Variants in P3H2 observed in about 807,000 individuals in gnomAD.
P3H2 encodes the protein prolyl 3-hydroxylase 2.
A neutral mutation model predicts 87.0 loss-of-function variants in P3H2; 80 were observed. That is an observed-to-expected ratio of 0.92 (90% CI 0.77 to 1.11). The LOEUF (loss-of-function observed/expected upper bound fraction) is 1.11, where lower values mean the gene tolerates loss of function less well. Ranked by LOEUF, P3H2 falls within the 50% of genes least tolerant of loss-of-function variation. P3H2 has a pLI of 0.00. For synonymous variants in P3H2, 367 were observed against 359.3 expected, an observed-to-expected ratio of 1.02 and a Z score of -0.24; for missense variants, 1,001 against 923.9, an observed-to-expected ratio of 1.08 and a Z score of -1.08.
intron 1 of P3H2, among the ~76,000 whole-genome samples, chr3:190,045,507 A>G (rs1725771233): frequency 6.6e-6 from 1 of 152,128 alleles, no homozygotes; most frequent in African/African-American, 2.4e-5. Context: ...AGTTCTAAGT[A>G]TGACAGAAAG....
chr3:190,108,091 G>A (rs983600695), intron 1 of P3H2, among the ~76,000 whole-genome samples: 3 of 152,078 alleles, frequency 2.0e-5, no homozygotes, highest in Admixed American at 6.5e-5. Flanking sequence ...ACAGGCATGA[G>A]GCATTGTGCC....
At chr3:189,995,958 A>G (rs1724040272) in intron 1 of P3H2, among the ~76,000 whole-genome samples, 3 of 152,214 alleles carry the variant, frequency 2.0e-5, no homozygotes, top group Admixed American at 6.5e-5. Context: ...ATAAAAGATA[A>G]CAAGTGTTGA....
chr3:189,977,529 T>C (rs1166691801), intron 8 of P3H2, among the ~76,000 whole-genome samples: 1 of 152,194 alleles, frequency 6.6e-6, no homozygotes, highest in East Asian at 1.9e-4. Flanking sequence ...CCACAGAAAC[T>C]ATGAGATAAT....
intron 1 of P3H2, among the ~76,000 whole-genome samples, chr3:190,071,039 T>G (rs1726682145): frequency 1.3e-5 from 2 of 152,206 alleles, no homozygotes; most frequent in Non-Finnish European, 2.9e-5. Context: ...TAAAACACTT[T>G]CCACTAGCTT....
Position 190,020,151 on chromosome 3 carries a change from T to C in P3H2, c.481-24709A>G, listed in dbSNP as rs1420565132. Reference sequence around the variant, plus strand: ...TCCATTATCTGTGGTGGCTGCCACCTTCAGAAAGGCTAAGGCGTTCAACAC... The same window carrying C: ...TCCATTATCTGTGGTGGCTGCCACCCTCAGAAAGGCTAAGGCGTTCAACAC... On this transcript the variant is annotated intron_variant, in intron 1 of 14. Coordinates refer to ENST00000319332, the MANE Select transcript of P3H2 (RefSeq NM_018192.4). Among the ~76,000 whole-genome samples, 2 of 132,754 alleles carry C rather than the reference T, an allele frequency of 1.5e-5. 1 individual carries two copies. Among genetic ancestry groups the C allele is most frequent in the Admixed American group, 1.6e-4 (2 of 12,862 alleles). 87.1% of individuals were successfully genotyped at this position (132,754 alleles called of 152,430 possible).
At chr3:190,061,721 T>G (rs1304359863) in intron 1 of P3H2, among the ~76,000 whole-genome samples, 4 of 152,140 alleles carry the variant, frequency 2.6e-5, no homozygotes, top group Non-Finnish European at 5.9e-5. Context: ...CCAGATACCA[T>G]GTACTGTCCT....
intron 3 of P3H2, among the ~76,000 whole-genome samples, chr3:189,991,647 G>A (rs1316565908): frequency 6.6e-6 from 1 of 152,242 alleles, no homozygotes; most frequent in African/African-American, 2.4e-5. Flanking sequence ...TTGAAGATCT[G>A]TAAGTGGAAA....
At chr3:190,098,000 C>T (rs1213992663) in intron 1 of P3H2, among the ~76,000 whole-genome samples, 1 of 152,044 alleles carries the variant, frequency 6.6e-6, no homozygotes, top group Non-Finnish European at 1.5e-5. Flanking sequence ...TGGATATTGT[C>T]ATTGTTAAAG....
chr3:189,973,756 C>G (rs538672046), intron 10 of P3H2, among the ~76,000 whole-genome samples, 153 bp downstream of exon 10: 4 of 151,980 alleles, frequency 2.6e-5, no homozygotes, highest in African/African-American at 9.7e-5. Flanking sequence ...GATCTCCTGA[C>G]CTCGTGATCT....
At chr3:190,120,952 C>T (rs1275181300), upstream of P3H2, 6 of 605,272 alleles carry the variant, frequency 9.9e-6, no homozygotes, top group Admixed American at 2.1e-4. Flanking sequence ...TCACACGCTC[C>T]TCCTGCTGCC....
chr3:189,982,134 CTA>C (rs1389773380), intron 8 of P3H2, among the ~76,000 whole-genome samples: 5 of 152,286 alleles, frequency 3.3e-5, no homozygotes, highest in African/African-American at 9.6e-5. Flanking sequence ...CTACACAATT[CTA>C]TGTTTCATGC....
At chr3:189,958,613 T>C (rs912659288) in intron 14 of P3H2, among the ~76,000 whole-genome samples, 67 of 151,840 alleles carry the variant, frequency 4.4e-4, no homozygotes, top group Non-Finnish European at 1.5e-5. Flanking sequence ...CCCCGTCCTC[T>C]CTACCTACCA....
At position 190,066,465 on chromosome 3, in the gene P3H2, A is replaced by G. The variant is rs553874894; in HGVS notation, c.480+53787T>C. 4.6e-5 allele frequency among the ~76,000 whole-genome samples: 7 copies of G among 152,138 alleles called. No homozygotes were observed. In the South Asian group the frequency reaches 1.5e-3, roughly 32 times the overall value. On this transcript the variant is annotated intron_variant, in intron 1 of 14. Coordinates refer to ENST00000319332, the MANE Select transcript of P3H2 (RefSeq NM_018192.4). ...GATGCAAAGGCATAAGGATGACACA[A>G]TAAACTTCAGGGACTCAGGGGGTAA...
chr3:190,002,604 T>C (rs1724251822), intron 1 of P3H2, among the ~76,000 whole-genome samples: 1 of 152,160 alleles, frequency 6.6e-6, no homozygotes, highest in African/African-American at 2.4e-5. Flanking sequence ...TTTCACCGTG[T>C]TGGCCAAGCC....
intron 3 of P3H2, among the ~76,000 whole-genome samples, chr3:189,990,552 A>G (rs998089302): frequency 3.9e-5 from 6 of 152,296 alleles, no homozygotes; most frequent in Middle Eastern, 3.4e-3. Context: ...ACAGAAAGGT[A>G]TCCTTTAGGG....
At chr3:189,967,489 C>T (rs1723038182) in intron 13 of P3H2, among the ~76,000 whole-genome samples, 1 of 148,316 alleles carries the variant, frequency 6.7e-6, no homozygotes. Flanking sequence ...ATCTTTTCAA[C>T]CACCTGTCTG....
rs1374222421 is a variant in P3H2, at chr3:189,995,380, G to A, written c.543C>T (p.His181=). ...TCTCAATGTTCTGCTGCATTTCCAT[G>A]TGCTCAGGGTTAGCCACGAAAAATG... ...AHTFFVANPE[H]MEMQQNIENY... is the part of the protein sequence containing the mutation. Residue 181 remains histidine, a synonymous_variant, in exon 2 of 15, where the codon CAC becomes CAT. Transcript: ENST00000319332. 5 of 1,613,970 alleles carry A rather than the reference G, an allele frequency of 3.1e-6. No individual in the cohort carries two copies. Among genetic ancestry groups the A allele is most frequent in the Admixed American group, 3.3e-5 (2 of 60,012 alleles).
At chr3:190,070,052 G>C (rs1454405624) in intron 1 of P3H2, among the ~76,000 whole-genome samples, 2 of 151,964 alleles carry the variant, frequency 1.3e-5, no homozygotes, top group African/African-American at 4.8e-5. Flanking sequence ...AGGCTGTGCT[G>C]ATGGCAATCA....
intron 4 of P3H2, among the ~76,000 whole-genome samples, chr3:189,988,250 G>A (rs376794342): frequency 6.6e-6 from 1 of 152,132 alleles, no homozygotes; most frequent in Non-Finnish European, 1.5e-5. Flanking sequence ...TAACAAGGAT[G>A]TTTCCAATAT....
Sources: gnomAD v4.1 joint callset for allele counts (sites outside exome capture counted in the v4.1 genomes callset) on GRCh38, gnomAD v4.1.1 for gene constraint, MANE v1.5 for transcripts, NCBI Gene and HGNC (gene_info 2026-07-23, HGNC 2026-07-21) for gene names.